MTSS2: variants seen among roughly 807,000 people sequenced by gnomAD.
MTSS2 encodes protein MTSS 2.
Under a neutral mutation model 67.1 loss-of-function variants are expected in MTSS2, and 27 were observed. That is an observed-to-expected ratio of 0.40 (90% CI 0.30 to 0.55). MTSS2 has a LOEUF of 0.55. MTSS2 is among the 20% of genes least tolerant of loss of function. The pLI, the probability that MTSS2 is intolerant of heterozygous loss-of-function variation, is 0.43. For synonymous variants in MTSS2, 624 were observed against 468.6 expected (o/e 1.33, Z -4.28); for missense variants, 1,171 against 1,067.8 (o/e 1.10, Z -1.35).
At position 70,677,899 on chromosome 16, in the gene MTSS2, T is replaced by C; in HGVS notation, c.625A>G (p.Asn209Asp). Residue 209 changes from asparagine to aspartate, a missense_variant and splice_region_variant, in exon 9 of 15, where the codon AAT becomes GAT. Coordinates refer to ENST00000338779, the MANE Select transcript of MTSS2 (RefSeq NM_138383.3). Reference protein sequence around the residue: ...TFITFLQPVVNGELTMLGEIT... With the variant: ...TFITFLQPVVDGELTMLGEIT... ...TCTCCCAGCATGGTCAGCTCTCCATTCTGAGGAAGCAGCGAGTCAGACCTG... is the reference window on the plus strand; with the variant it reads ...TCTCCCAGCATGGTCAGCTCTCCATCCTGAGGAAGCAGCGAGTCAGACCTG... 1 of 1,602,360 alleles carries C rather than the reference T, an allele frequency of 6.2e-7. No homozygotes were observed.
At chr16:70,664,545 T>C (rs1465702417) in intron 14 of MTSS2, 53 bp downstream of exon 14, 1 of 1,594,396 alleles carries the variant, frequency 6.3e-7, no homozygotes, top group African/African-American at 1.3e-5. Flanking sequence ...GGGGCCCTCC[T>C]GGATGGCTAA....
In MTSS2 at chr16:70,680,826, T is replaced by C; in HGVS notation, c.173A>G (p.Gln58Arg). ...GTTGGTAGCCATGTCAGCCACTTTC[T>C]GGAAGGCATCCAGGAAGGCCACAGC... ...LAAVAFLDAF[Q>R]KVADMATNTR... Residue 58 changes from glutamine to arginine, a missense_variant, in exon 3 of 15, where the codon CAG (glutamine) becomes CGG (arginine). Gln to Arg is a conservative substitution (Grantham distance 43). Coordinates refer to ENST00000338779, the MANE Select transcript of MTSS2 (RefSeq NM_138383.3). 1 of 1,552,232 alleles carries C rather than the reference T, an allele frequency of 6.4e-7. No individual in the cohort carries two copies.
rs1227893479 is a variant in MTSS2 at position 70,662,719 on chromosome 16, C to T, written c.*958G>A. ...CACACCCTGTATCGTCCCCTCTCCC[C>T]CACACTTAGTCCTCGTCCACAGTCA... On this transcript the variant is annotated 3_prime_UTR_variant, in exon 15 of 15. Coordinates refer to ENST00000338779, the MANE Select transcript of MTSS2 (RefSeq NM_138383.3). 6.5e-6 allele frequency: 1 copy of T among 152,686 alleles called. No individual in the cohort carries two copies. The highest frequency in any genetic ancestry group is 2.4e-5 in the African/African-American group (1 of 41,428). 9.5% of individuals were successfully genotyped at this position (152,686 alleles called of 1,614,324 possible).
At chr16:70,675,581 AT>A (rs1182200644) in intron 10 of MTSS2, among the ~76,000 whole-genome samples, 2 of 152,068 alleles carry the variant, frequency 1.3e-5, no homozygotes, top group Non-Finnish European at 2.9e-5. Flanking sequence ...TGCCCGGCTA[AT>A]TTTTTTGTAT....
rs918320752 is a variant in MTSS2, at chr16:70,663,571, G to A, written c.*106C>T. 1.3e-5 allele frequency: 19 copies of A among 1,440,026 alleles called. No homozygotes were observed. In the South Asian group the frequency reaches 2.7e-4, roughly 20 times the overall value. 89.2% of individuals were successfully genotyped at this position (1,440,026 alleles called of 1,614,324 possible). A position where few individuals can be genotyped will look rare whatever the true frequency, so the allele number is the denominator to read the frequency against. On this transcript the variant is annotated 3_prime_UTR_variant, in exon 15 of 15. Coordinates refer to ENST00000338779, the MANE Select transcript of MTSS2 (RefSeq NM_138383.3). ...CATAAAGTGGCATGGCCTCTGCCCTGGCTCTGTCCTCTCTCCTGGCTGGGC... is the reference window on the plus strand; with the variant it reads ...CATAAAGTGGCATGGCCTCTGCCCTAGCTCTGTCCTCTCTCCTGGCTGGGC...
chr16:70,661,564 T>C lies in MTSS2; in HGVS notation c.*2113A>G, dbSNP rs1426190038. The C allele has an allele frequency of 2.8e-6, 1 of 351,100 alleles. No homozygotes were observed. Among genetic ancestry groups the C allele is most frequent in the Non-Finnish European group, 5.6e-6 (1 of 178,470 alleles). The allele number at this position is 351,100 out of a possible 1,614,324, so 21.7% of individuals were successfully genotyped here. On this transcript the variant is annotated 3_prime_UTR_variant, in exon 15 of 15. Coordinates refer to ENST00000338779, the MANE Select transcript of MTSS2 (RefSeq NM_138383.3). Reference sequence around the variant, plus strand: ...AACGTAAAGTCCCCCAAACCAAAGTTTGTGATGTGGGATGGTTGGCTCGGA... The same window carrying C: ...AACGTAAAGTCCCCCAAACCAAAGTCTGTGATGTGGGATGGTTGGCTCGGA...
At chr16:70,671,732 ACT>A (rs2052943849) in intron 11 of MTSS2, among the ~76,000 whole-genome samples, 1 of 152,140 alleles carries the variant, frequency 6.6e-6, no homozygotes, top group African/African-American at 2.4e-5. Flanking sequence ...AGAAATAATG[ACT>A]CTCCAGTGGA....
chr16:70,661,634 A>T lies in MTSS2; in HGVS notation c.*2043T>A. 3.0e-6 allele frequency: 1 copy of T among 338,976 alleles called. No homozygotes were observed. The highest frequency in any genetic ancestry group is 2.3e-5 in the South Asian group (1 of 43,418). The allele number at this position is 338,976 out of a possible 1,614,324, so 21.0% of individuals were successfully genotyped here. ...ATGAGGTGGTTGCTAAGTCGACGCA[A>T]GGGCGGCGGGGGTGGTCTCAGGGAT... On this transcript the variant is annotated 3_prime_UTR_variant, in exon 15 of 15. Coordinates refer to ENST00000338779, the MANE Select transcript of MTSS2 (RefSeq NM_138383.3).
chr16:70,675,698 G>A (rs913874147), intron 10 of MTSS2, among the ~76,000 whole-genome samples: 2 of 152,200 alleles, frequency 1.3e-5, no homozygotes, highest in Non-Finnish European at 2.9e-5. Flanking sequence ...TTACAGGCGT[G>A]AACGACTGCC....
rs750436739 is a variant in MTSS2 at position 70,679,716 on chromosome 16, G to A, written c.383-12C>T. 1.9e-6 allele frequency: 3 copies of A among 1,611,012 alleles called. No homozygotes were observed. In the East Asian group the frequency reaches 6.7e-5, roughly 36 times the overall value. ...GGCTCGTTTGTACTCTGCAGAAGGG[G>A]AGAGCGGAGCGCTCTAATGGGGTCC... On this transcript the variant is annotated splice_polypyrimidine_tract_variant and intron_variant, in intron 5 of 14. Transcript: ENST00000338779.
At position 70,664,139 on chromosome 16, in the gene MTSS2, C is replaced by T; in HGVS notation, c.1782G>A (p.Lys594=). 1 of 1,610,164 alleles carries T rather than the reference C, an allele frequency of 6.2e-7. No homozygotes were observed. Among genetic ancestry groups the T allele is most frequent in the Admixed American group, 1.7e-5 (1 of 59,982 alleles). ...IPIRPPIVPV[K]TPTVPDSPGY... ...CGGGGGAGTCAGGCACCGTGGGCGT[C>T]TTCACAGGGACGATGGGCGGCCGGA... The change falls in exon 15 of 15, where the codon AAG becomes AAA. Residue 594 remains lysine (K), a synonymous_variant. Coordinates refer to ENST00000338779, the MANE Select transcript of MTSS2 (RefSeq NM_138383.3).
intron 8 of MTSS2, 76 bp downstream of exon 8, chr16:70,678,176 G>C: frequency 6.6e-7 from 1 of 1,505,070 alleles, no homozygotes. Context: ...GCTGAGAAGT[G>C]ACCCTTCTTG....
intron 11 of MTSS2, among the ~76,000 whole-genome samples, chr16:70,669,624 T>A (rs1028968326): frequency 3.3e-5 from 5 of 152,142 alleles, no homozygotes; most frequent in Non-Finnish European, 7.4e-5. Flanking sequence ...AAGACCAGCC[T>A]GGCCAACATG....
chr16:70,670,806 G>T (rs1486318753), intron 11 of MTSS2, among the ~76,000 whole-genome samples: 2 of 151,426 alleles, frequency 1.3e-5, no homozygotes, highest in East Asian at 3.9e-4. Flanking sequence ...CTCTATAAAA[G>T]AAAAAATATA....
At chr16:70,666,006 G>A (rs574986730) in intron 11 of MTSS2, among the ~76,000 whole-genome samples, 26 of 152,296 alleles carry the variant, frequency 1.7e-4, no homozygotes, top group South Asian at 8.3e-4. Context: ...GAGGGCCGTC[G>A]TATTCATAAG....
rs1050787319 is a variant in MTSS2, at chr16:70,661,434, T to G, written c.*2243A>C. On this transcript the variant is annotated 3_prime_UTR_variant, in exon 15 of 15. Transcript: ENST00000338779. ...AGGAGGGCTGCCTGGGGTGGGGGAATAAATTAAAAAAAGGAACGAGTTAAC... is the reference window on the plus strand; with the variant it reads ...AGGAGGGCTGCCTGGGGTGGGGGAAGAAATTAAAAAAAGGAACGAGTTAAC... 10 of 365,742 alleles carry G rather than the reference T, an allele frequency of 2.7e-5. No homozygotes were observed. Among genetic ancestry groups the G allele is most frequent in the Admixed American group, 7.1e-5 (2 of 28,366 alleles). The allele number at this position is 365,742 out of a possible 1,614,324, so 22.7% of individuals were successfully genotyped here.
In MTSS2 at chr16:70,661,325, T is replaced by C; in HGVS notation, c.*2352A>G. 6.8e-6 allele frequency: 3 copies of C among 443,554 alleles called. No individual in the cohort carries two copies. The highest frequency in any genetic ancestry group is 7.3e-5 in the East Asian group (1 of 13,790). The allele number at this position is 443,554 out of a possible 1,614,324, so 27.5% of individuals were successfully genotyped here. A position where few individuals can be genotyped will look rare whatever the true frequency, so the allele number is the denominator to read the frequency against. ...AGGGGGCGGGGAGGAGAGGAGAATT[T>C]TTCCAAAATCTGACGGAAAGAAAAG... On this transcript the variant is annotated 3_prime_UTR_variant, in exon 15 of 15. Coordinates refer to ENST00000338779, the MANE Select transcript of MTSS2 (RefSeq NM_138383.3).
At position 70,665,467 on chromosome 16, in the gene MTSS2, G is replaced by A. The variant is rs868020272; in HGVS notation, c.1127C>T (p.Ser376Leu). 4.1e-5 allele frequency: 63 copies of A among 1,554,238 alleles called. No homozygotes were observed. Among genetic ancestry groups the A allele is most frequent in the Non-Finnish European group, 5.3e-5 (61 of 1,150,142 alleles). The change falls in exon 12 of 15, where the codon TCG becomes TTG. Residue 376 changes from serine (S) to leucine (L), a missense_variant and splice_region_variant. By Grantham distance (145) the Ser-to-Leu change is moderately radical. Coordinates refer to ENST00000338779, the MANE Select transcript of MTSS2 (RefSeq NM_138383.3). ...TGGGGCCGGGCTGGGAGCACTGACCGAGGTGGGGGAGCTGCACTCGCTAAC... is the reference window on the plus strand; with the variant it reads ...TGGGGCCGGGCTGGGAGCACTGACCAAGGTGGGGGAGCTGCACTCGCTAAC... Reference protein sequence around the residue: ...QSVSECSSPTSDWSKVGSHEQ... With the variant: ...QSVSECSSPTLDWSKVGSHEQ...
rs2052550026 is a variant in MTSS2, at chr16:70,663,066, G to C, written c.*611C>G. ...GCCCCTGGTTTCCTCCCTGAGACTTGGCGTGGGCCCTGGAACTCCCTTCCC... is the reference window on the plus strand; with the variant it reads ...GCCCCTGGTTTCCTCCCTGAGACTTCGCGTGGGCCCTGGAACTCCCTTCCC... On this transcript the variant is annotated 3_prime_UTR_variant, in exon 15 of 15. Transcript: ENST00000338779. 6.8e-6 allele frequency: 1 copy of C among 147,032 alleles called. No individual in the cohort carries two copies. Among genetic ancestry groups the C allele is most frequent in the African/African-American group, 2.5e-5 (1 of 40,780 alleles). 9.1% of individuals were successfully genotyped at this position (147,032 alleles called of 1,614,324 possible). A position where few individuals can be genotyped will look rare whatever the true frequency, so the allele number is the denominator to read the frequency against.
Sources: allele counts gnomAD v4.1 joint callset (sites outside exome capture counted in the v4.1 genomes callset), GRCh38; gene constraint gnomAD v4.1.1; transcripts MANE v1.5; gene names NCBI Gene and HGNC (gene_info 2026-07-23, HGNC 2026-07-21).